Variants in DAB2IP observed in about 807,000 individuals in gnomAD.
DAB2IP encodes disabled homolog 2-interacting protein.
DAB2IP carries 28 observed loss-of-function variants against 107.2 expected under a neutral mutation model. That is an observed-to-expected ratio of 0.26 (90% CI 0.19 to 0.36). The LOEUF (loss-of-function observed/expected upper bound fraction) is 0.36, where lower values mean the gene tolerates loss of function less well. Ranked by LOEUF, DAB2IP falls within the 10% of genes least tolerant of loss-of-function variation. The probability of loss-of-function intolerance (pLI) is 1.00; values close to 1 mark genes in which losing one functional copy is unlikely to be tolerated. For synonymous variants in DAB2IP, 755 were observed against 706.4 expected, an observed-to-expected ratio of 1.07 and a Z score of -1.09; for missense variants, 1,400 against 1,644.7, an observed-to-expected ratio of 0.85 and a Z score of 2.57.
rs1331324637 is a variant in DAB2IP, at chr9:121,599,549, C to T, written c.40+32321C>T. Among the ~76,000 whole-genome samples the T allele has an allele frequency of 1.3e-5, 2 of 151,902 alleles. No homozygotes were observed. The highest frequency in any genetic ancestry group is 2.9e-5 in the Non-Finnish European group (2 of 67,908). ...GAGCCCGGGAGCCGTAGAGCGGCGG[C>T]GCCGGGGGAGGCGCGGAGCCGGCCG... On this transcript the variant is annotated intron_variant, in intron 1 of 16. Coordinates refer to the DAB2IP transcript ENST00000259371. This position sits in a 1 kb window ranked among gnomAD's most constrained non-coding sequence, Gnocchi z 6.9.
chr9:121,737,474 G>T, intron 3 of DAB2IP: 4 of 985,454 alleles, frequency 4.1e-6, no homozygotes, highest in Non-Finnish European at 4.8e-6. Context: ...TTAGATGCCG[G>T]CCCGGCCGAG....
rs767407304 is a variant in DAB2IP, at chr9:121,773,479, G to A, written c.2951G>A (p.Arg984Gln). 15 of 1,512,678 alleles carry A rather than the reference G, an allele frequency of 9.9e-6. No individual in the cohort carries two copies. The highest frequency in any genetic ancestry group is 7.0e-5 in the African/African-American group (5 of 71,696). 93.7% of individuals were successfully genotyped at this position (1,512,678 alleles called of 1,614,324 possible). The change falls in exon 12 of 16, where the codon CGG (arginine) becomes CAG (glutamine). Residue 984 changes from arginine (R) to glutamine (Q), a missense_variant. By Grantham distance (43) the Arg-to-Gln change is conservative. Transcript: ENST00000408936. The stretch of plus-strand genomic sequence containing the variant: ...GGGGACAGCCCAGAACTGAAGCCAC[G>A]GGCAGTGCACAAGCAGGTCAGTGCT...
intron 1 of DAB2IP, among the ~76,000 whole-genome samples, chr9:121,677,576 G>A (rs371213409): frequency 7.2e-5 from 11 of 152,146 alleles, no homozygotes; most frequent in East Asian, 5.8e-4. Context: ...GGCATCCCAG[G>A]AGATGGCTCA....
chr9:121,644,500 G>A (rs913749602), intron 1 of DAB2IP, among the ~76,000 whole-genome samples: 2 of 152,256 alleles, frequency 1.3e-5, no homozygotes, highest in Non-Finnish European at 2.9e-5. Flanking sequence ...AAGAGGCTGA[G>A]GCAGGAGAAT....
At chr9:121,644,966 A>G (rs1202075481) in intron 1 of DAB2IP, among the ~76,000 whole-genome samples, 1 of 152,204 alleles carries the variant, frequency 6.6e-6, no homozygotes, top group Admixed American at 6.5e-5. Flanking sequence ...CAGCCATGAA[A>G]TGGTTCACAG....
chr9:121,717,517 G>A (rs1159275899), intron 3 of DAB2IP, among the ~76,000 whole-genome samples: 7 of 152,236 alleles, frequency 4.6e-5, no homozygotes, highest in African/African-American at 1.4e-4. Flanking sequence ...TCACACACTT[G>A]TTTATCACAC....
intron 1 of DAB2IP, among the ~76,000 whole-genome samples, chr9:121,676,635 G>GCACACACA (rs35324441): frequency 7.6e-4 from 115 of 150,542 alleles, no homozygotes; most frequent in African/African-American, 2.7e-3. Flanking sequence ...TTCTGCAGAC[G>GCACACACA]CACACACACA....
chr9:121,585,198 A>C (rs1830285817), intron 1 of DAB2IP, among the ~76,000 whole-genome samples: 1 of 152,214 alleles, frequency 6.6e-6, no homozygotes, highest in African/African-American at 2.4e-5. Context: ...AATGCGGCCA[A>C]CAACACCTCT....
intron 1 of DAB2IP, among the ~76,000 whole-genome samples, chr9:121,677,967 C>T (rs922193990): frequency 6.6e-6 from 1 of 152,144 alleles, no homozygotes; most frequent in South Asian, 2.1e-4. Flanking sequence ...AGGCCTTTTT[C>T]CCCCCTTTTT....
chr9:121,735,858 C>G (rs929742916), intron 3 of DAB2IP, among the ~76,000 whole-genome samples: 3 of 152,150 alleles, frequency 2.0e-5, no homozygotes, highest in Non-Finnish European at 1.5e-5. Flanking sequence ...TTTAAATGAC[C>G]CAAGGATGAA....
rs1831971410 is a variant in DAB2IP, at chr9:121,633,542, G to C, written c.41-45136G>C. 6.6e-6 allele frequency among the ~76,000 whole-genome samples: 1 copy of C among 152,196 alleles called. No individual in the cohort carries two copies. Among genetic ancestry groups the C allele is most frequent in the African/African-American group, 2.4e-5 (1 of 41,444 alleles). On this transcript the variant is annotated intron_variant, in intron 1 of 16. Transcript: ENST00000259371. This position sits in a 1 kb window ranked among gnomAD's most constrained non-coding sequence, Gnocchi z 5.1. ...AGGAAGAACTTCCTGGCTGACTGTG[G>C]GGTGGTGTGAAATCCTGGAATGGGC... is the stretch of plus-strand genomic sequence containing the variant.
intron 2 of DAB2IP, among the ~76,000 whole-genome samples, chr9:121,695,774 C>T (rs1829390599): frequency 6.6e-6 from 1 of 152,246 alleles, no homozygotes; most frequent in Admixed American, 6.5e-5. Flanking sequence ...TTTAACAGTC[C>T]TGTACATGTA....
intron 3 of DAB2IP, among the ~76,000 whole-genome samples, chr9:121,718,050 G>T (rs1003597339): frequency 6.6e-6 from 1 of 152,166 alleles, no homozygotes; most frequent in African/African-American, 2.4e-5. Flanking sequence ...TTTCAGAATG[G>T]CCAGGCTCTT....
intron 3 of DAB2IP, among the ~76,000 whole-genome samples, chr9:121,755,547 T>C (rs1173693932): frequency 3.3e-5 from 5 of 152,156 alleles, no homozygotes; most frequent in Non-Finnish European, 5.9e-5. Context: ...GTGGGGTATC[T>C]AAGGGTTGGG....
At chr9:121,700,200 G>C (rs951147224) in intron 3 of DAB2IP, among the ~76,000 whole-genome samples, 3 of 152,174 alleles carry the variant, frequency 2.0e-5, no homozygotes, top group Non-Finnish European at 4.4e-5. Context: ...TGGAAATTCC[G>C]CGGGGAGGTG....
exon 16 of DAB2IP, chr9:121,783,927 G>A (rs1835833999): frequency 3.6e-6 from 1 of 280,506 alleles, no homozygotes; most frequent in Non-Finnish European, 6.9e-6. Flanking sequence ...AAGGGTGGGA[G>A]TGGGGCCTTT....
chr9:121,784,974 C>G (rs1409103872), exon 16 of DAB2IP: 1 of 152,768 alleles, frequency 6.5e-6, no homozygotes, highest in African/African-American at 2.4e-5. Context: ...AGGACAGTCC[C>G]TGCTGGGGAA....
chr9:121,717,022 T>C (rs574727335), intron 3 of DAB2IP, among the ~76,000 whole-genome samples: 1 of 152,188 alleles, frequency 6.6e-6, no homozygotes, highest in Non-Finnish European at 1.5e-5. Flanking sequence ...CTGGGCCTTG[T>C]GCACGCATGT....
upstream of DAB2IP, among the ~76,000 whole-genome samples, chr9:121,647,875 A>C (rs1832596245): frequency 6.7e-6 from 1 of 150,256 alleles, no homozygotes. Flanking sequence ...TATTATATAT[A>C]TATACGGGTA....
Sources: gnomAD v4.1 joint callset for allele counts (sites outside exome capture counted in the v4.1 genomes callset) on GRCh38, gnomAD v4.1.1 for gene constraint, Gnocchi (gnomAD v3.1) non-coding constraint, MANE v1.5 for transcripts, NCBI Gene and HGNC (gene_info 2026-07-23, HGNC 2026-07-21) for gene names.